Variants in FERMT1 observed in about 807,000 individuals in gnomAD.
FERMT1 encodes FERM domain containing kindlin 1, also known as fermitin family homolog 1.
In FERMT1, 60 loss-of-function variants were observed where a neutral mutation model predicts 85.3. The ratio of observed to expected loss-of-function variants is 0.70; its 90% CI spans 0.57 to 0.87. The LOEUF (loss-of-function observed/expected upper bound fraction) is 0.87, where lower values mean the gene tolerates loss of function less well. Among genes scored for constraint, FERMT1 ranks in the 40% least tolerant of loss-of-function variants. The pLI is 0.00. For synonymous variants in FERMT1, 275 were observed against 301.1 expected (o/e 0.91, Z 0.90); for missense variants, 701 against 818.9 (o/e 0.86, Z 1.76).
At chr20:6,097,825 A>G (rs1393082251) in intron 6 of FERMT1, among the ~76,000 whole-genome samples, 194 bp from the exon 7 acceptor site, 2 of 141,162 alleles carry the variant, frequency 1.4e-5, no homozygotes, top group Non-Finnish European at 3.1e-5. Context: ...TTAATTTTTT[A>G]TTTTTTTGAG....
At chr20:6,102,520 T>C (rs1348379031) in intron 6 of FERMT1, among the ~76,000 whole-genome samples, 1 of 151,150 alleles carries the variant, frequency 6.6e-6, no homozygotes, top group Non-Finnish European at 1.5e-5. Context: ...CTACTAAAAA[T>C]ACAAAAATTA....
chr20:6,084,054 GGTGAGGCCAAACTCAGGCA>G lies in FERMT1; in HGVS notation c.1685_1703del (p.Leu562ProfsTer23). 2 of 1,614,196 alleles carry G rather than the reference GGTGAGGCCAAACTCAGGCA, an allele frequency of 1.2e-6. No individual in the cohort carries two copies. Among genetic ancestry groups the G allele is most frequent in the Non-Finnish European group, 1.7e-6 (2 of 1,180,036 alleles). On this transcript the variant is annotated frameshift_variant, in exon 13 of 15. Coordinates refer to ENST00000217289, the MANE Select transcript of FERMT1 (RefSeq NM_017671.5). LOFTEE classifies it high-confidence loss of function. The stretch of plus-strand genomic sequence containing the variant: ...ATTGTAATCACCTGACAAGGTAGTA[GGTGAGGCCAAACTCAGGCA>G]GTGACTGCCACGCCTGGATGAACCG...
At position 6,119,301 on chromosome 20, in the gene FERMT1, G is replaced by A. The variant is rs111868327; in HGVS notation, c.151+103C>T. 69,648 of 1,158,628 alleles carry A rather than the reference G, an allele frequency of 0.06. 2,492 individuals are homozygous for A. The highest frequency in any genetic ancestry group is 0.11 in the Middle Eastern group (472 of 4,152). 71.8% of individuals were successfully genotyped at this position (1,158,628 alleles called of 1,614,324 possible). A position where few individuals can be genotyped will look rare whatever the true frequency, so the allele number is the denominator to read the frequency against. ...GAGGGGTGGGGGATTGCTCTCCAGG[G>A]CATTACAAGATAAATGATCAGAAAA... On this transcript the variant is annotated intron_variant, in intron 2 of 14. Coordinates refer to ENST00000217289, the MANE Select transcript of FERMT1 (RefSeq NM_017671.5).
chr20:6,080,310 T>TG (rs1053213955), intron 13 of FERMT1, among the ~76,000 whole-genome samples: 1 of 151,688 alleles, frequency 6.6e-6, no homozygotes, highest in Non-Finnish European at 1.5e-5. Flanking sequence ...CCTTCAGATT[T>TG]TGTGTGTGTG....
intron 11 of FERMT1, among the ~76,000 whole-genome samples, chr20:6,086,153 AAAGGTCC>A (rs1982178657): frequency 6.6e-6 from 1 of 152,164 alleles, no homozygotes; most frequent in Non-Finnish European, 1.5e-5. Flanking sequence ...AAAAAAAAAA[AAAGGTCC>A]AAGGACACAA....
intron 11 of FERMT1, among the ~76,000 whole-genome samples, chr20:6,086,965 A>G (rs1266475375): frequency 1.3e-5 from 2 of 152,114 alleles, no homozygotes; most frequent in Non-Finnish European, 2.9e-5. Flanking sequence ...TCGCCATATA[A>G]CTTTACAGTT....
intron 10 of FERMT1, 140 bp downstream of exon 10, chr20:6,088,825 T>C (rs1982263558): frequency 5.5e-6 from 4 of 731,184 alleles, no homozygotes; most frequent in East Asian, 3.2e-5. Flanking sequence ...GGTTTCACCA[T>C]CTTGGCCAGG....
chr20:6,094,659 C>G (rs777442299), intron 9 of FERMT1, among the ~76,000 whole-genome samples: 2 of 152,102 alleles, frequency 1.3e-5, no homozygotes, highest in Non-Finnish European at 2.9e-5. Flanking sequence ...GCTTCATATG[C>G]ATTATTTCAT....
chr20:6,092,362 G>A (rs188958998), intron 9 of FERMT1, among the ~76,000 whole-genome samples: 1 of 152,152 alleles, frequency 6.6e-6, no homozygotes, highest in Admixed American at 6.5e-5. Context: ...GGGCAACATG[G>A]TGAAACTCTG....
At chr20:6,116,229 A>C (rs903526722) in intron 2 of FERMT1, among the ~76,000 whole-genome samples, 185 bp from the exon 3 acceptor site, 2 of 152,088 alleles carry the variant, frequency 1.3e-5, no homozygotes, top group African/African-American at 4.8e-5. Context: ...CCAGGGAAAA[A>C]ATAGGGACTG....
Position 6,076,899 on chromosome 20 carries a change from G to C in FERMT1, c.*274C>G. On this transcript the variant is annotated 3_prime_UTR_variant, in exon 15 of 15. Coordinates refer to ENST00000217289, the MANE Select transcript of FERMT1 (RefSeq NM_017671.5). ...GCAAGTCAGAGAACTGTAACCACAT[G>C]CTGGGCCTTAGAGCAATCTTAGGGC... is the stretch of plus-strand genomic sequence containing the variant. 2.0e-6 allele frequency: 1 copy of C among 507,320 alleles called. No individual in the cohort carries two copies. The highest frequency in any genetic ancestry group is 3.6e-6 in the Non-Finnish European group (1 of 278,532). 31.4% of individuals were successfully genotyped at this position (507,320 alleles called of 1,614,324 possible).
intron 2 of FERMT1, 130 bp downstream of exon 2, chr20:6,119,274 A>C: frequency 2.1e-6 from 2 of 957,620 alleles, no homozygotes; most frequent in Non-Finnish European, 3.3e-6. Context: ...CTCCTCTGGG[A>C]TGAGGGGTGG....
chr20:6,082,823 T>A (rs1387650439), intron 13 of FERMT1, among the ~76,000 whole-genome samples: 2 of 151,176 alleles, frequency 1.3e-5, no homozygotes, highest in Non-Finnish European at 3.0e-5. Context: ...GCCCAGCTAA[T>A]TTTTTTTTGT....
Position 6,085,425 on chromosome 20 carries a change from G to A in FERMT1, c.1372-138C>T, listed in dbSNP as rs185995676. The A allele has an allele frequency of 1.5e-3, 1,122 of 742,632 alleles. 9 individuals are homozygous for A. In the African/African-American group the frequency reaches 0.018, roughly 12 times the overall value. 46.0% of individuals were successfully genotyped at this position (742,632 alleles called of 1,614,324 possible). A position where few individuals can be genotyped will look rare whatever the true frequency, so the allele number is the denominator to read the frequency against. ...CAAGATGTGAAGTGGCACACGTTGTGAGTGGCTGCTCATCAGCTAATGTAA... is the reference window on the plus strand; with the variant it reads ...CAAGATGTGAAGTGGCACACGTTGTAAGTGGCTGCTCATCAGCTAATGTAA... On this transcript the variant is annotated intron_variant, in intron 11 of 14. Transcript: ENST00000217289.
intron 9 of FERMT1, among the ~76,000 whole-genome samples, chr20:6,089,392 G>C (rs889318198): frequency 1.3e-5 from 2 of 152,136 alleles, no homozygotes; most frequent in Non-Finnish European, 2.9e-5. Flanking sequence ...GGGGACCGTC[G>C]TAGTCTGGGA....
At chr20:6,122,361 G>T (rs910444316) in intron 1 of FERMT1, among the ~76,000 whole-genome samples, 1 of 152,182 alleles carries the variant, frequency 6.6e-6, no homozygotes, top group Non-Finnish European at 1.5e-5. Context: ...AAAGCCCTTC[G>T]CAGACAGTCA....
Position 6,077,045 on chromosome 20 carries a change from G to T in FERMT1, c.*128C>A. On this transcript the variant is annotated 3_prime_UTR_variant, in exon 15 of 15. Transcript: ENST00000217289. ...CAGCAGTGGGTTTGAATGAGGATCT[G>T]GGTGACCAGCGGTGAATGTATGTTG... 1.1e-6 allele frequency: 1 copy of T among 949,292 alleles called. No individual in the cohort carries two copies. The highest frequency in any genetic ancestry group is 1.7e-6 in the Non-Finnish European group (1 of 587,264). The allele number at this position is 949,292 out of a possible 1,614,324, so 58.8% of individuals were successfully genotyped here. A position where few individuals can be genotyped will look rare whatever the true frequency, so the allele number is the denominator to read the frequency against.
At chr20:6,082,073 TG>T in intron 13 of FERMT1, among the ~76,000 whole-genome samples, 1 of 152,222 alleles carries the variant, frequency 6.6e-6, no homozygotes, top group Admixed American at 6.5e-5. Context: ...ACAGCATGGC[TG>T]CTCCAGGCTT....
intron 9 of FERMT1, among the ~76,000 whole-genome samples, chr20:6,091,170 C>CAA (rs1251602737): frequency 6.6e-6 from 1 of 151,366 alleles, no homozygotes; most frequent in African/African-American, 2.4e-5. Flanking sequence ...CTCAAACAAA[C>CAA]AAACAAAAAC....
Sources: gnomAD v4.1 joint callset for allele counts (sites outside exome capture counted in the v4.1 genomes callset) on GRCh38, gnomAD v4.1.1 for gene constraint, MANE v1.5 for transcripts, NCBI Gene and HGNC (gene_info 2026-07-23, HGNC 2026-07-21) for gene names.